The following SESN1 variants were observed in gnomAD, a reference collection of about 807,000 sequenced individuals.
SESN1 encodes the protein sestrin 1.
A neutral mutation model predicts 59.3 loss-of-function variants in SESN1; 30 were observed. That is an observed-to-expected ratio of 0.51 (90% CI 0.38 to 0.69). SESN1 has a LOEUF of 0.69. Ranked by LOEUF, SESN1 falls within the 30% of genes least tolerant of loss-of-function variation. The probability of loss-of-function intolerance (pLI) is 0.00; values close to 1 mark genes in which losing one functional copy is unlikely to be tolerated. For missense variants in SESN1, 566 were observed against 673.0 expected, an observed-to-expected ratio of 0.84 and a Z score of 1.76; for synonymous variants, 197 against 219.9, an observed-to-expected ratio of 0.90 and a Z score of 0.92.
At chr6:109,017,319 T>C (rs1779942604) in intron 1 of SESN1, among the ~76,000 whole-genome samples, 1 of 152,184 alleles carries the variant, frequency 6.6e-6, no homozygotes, top group Non-Finnish European at 1.5e-5. Flanking sequence ...AGAGTCTCAC[T>C]CTGTCGCCCA....
intron 1 of SESN1, among the ~76,000 whole-genome samples, chr6:109,021,547 C>T (rs368443442): frequency 2.5e-4 from 38 of 151,990 alleles, no homozygotes; most frequent in Non-Finnish European, 5.1e-4. Context: ...AAGCAATTCT[C>T]GTGCCTCAGC....
At chr6:109,000,763 G>T (rs1019835463) in intron 3 of SESN1, 90 bp from the exon 4 acceptor site, 45 of 1,077,516 alleles carry the variant, frequency 4.2e-5, no homozygotes, top group Non-Finnish European at 5.5e-5. Flanking sequence ...AGCTAATTAA[G>T]TTTATTAGTA....
intron 2 of SESN1, among the ~76,000 whole-genome samples, chr6:109,001,837 A>G (rs1427861093): frequency 1.3e-5 from 2 of 152,194 alleles, no homozygotes; most frequent in East Asian, 3.8e-4. Flanking sequence ...CTCTCACTCA[A>G]TTTAAGGAGA....
At chr6:109,071,746 C>T (rs1056013609) in intron 1 of SESN1, among the ~76,000 whole-genome samples, 1 of 152,182 alleles carries the variant, frequency 6.6e-6, no homozygotes. Flanking sequence ...GTGTCTTGTA[C>T]TCACTCAGCA....
intron 1 of SESN1, among the ~76,000 whole-genome samples, chr6:109,024,387 A>C (rs1780058404): frequency 6.6e-6 from 1 of 152,220 alleles, no homozygotes; most frequent in African/African-American, 2.4e-5. Context: ...AGCAGAAATA[A>C]GAACTTGGAT....
rs182767565 is a variant in SESN1, at chr6:109,069,700, C to T, written c.279+24095G>A. On this transcript the variant is annotated intron_variant, in intron 1 of 9. Coordinates refer to ENST00000436639, the MANE Select transcript of SESN1 (RefSeq NM_014454.3). ...AGGACCACAGCCGTGTACCACGACA[C>T]ATAGCTAATTTTTACTTTTTATTTT... Among the ~76,000 whole-genome samples the T allele has an allele frequency of 6.6e-5, 10 of 152,076 alleles. No homozygotes were observed. In the East Asian group the frequency reaches 1.4e-3, roughly 21 times the overall value.
chr6:109,094,223 G>T lies in SESN1; in HGVS notation c.-150C>A. The stretch of plus-strand genomic sequence containing the variant: ...CATCTGGGTGACATTTGGAACCACT[G>T]GTGCCTTCAGCCGATCTACAAGCTA... On this transcript the variant is annotated 5_prime_UTR_variant, in exon 1 of 10. Transcript: ENST00000436639. 1.2e-6 allele frequency: 1 copy of T among 804,888 alleles called. No homozygotes were observed. Among genetic ancestry groups the T allele is most frequent in the Non-Finnish European group, 1.9e-6 (1 of 519,114 alleles). 49.9% of individuals were successfully genotyped at this position (804,888 alleles called of 1,614,324 possible).
chr6:109,008,444 A>G (rs1159052119), intron 1 of SESN1, among the ~76,000 whole-genome samples: 2 of 149,892 alleles, frequency 1.3e-5, no homozygotes, highest in African/African-American at 4.9e-5. Context: ...TTAAAATCTC[A>G]AAAAAATATT....
chr6:109,019,651 A>C (rs1183877964), intron 1 of SESN1, among the ~76,000 whole-genome samples: 1 of 152,186 alleles, frequency 6.6e-6, no homozygotes, highest in Non-Finnish European at 1.5e-5. Context: ...CTAAATCATA[A>C]AAATTTGACC....
chr6:109,084,727 T>C (rs1274970625), intron 1 of SESN1, among the ~76,000 whole-genome samples: 1 of 152,200 alleles, frequency 6.6e-6, no homozygotes, highest in East Asian at 1.9e-4. Context: ...AAGCTAAAAG[T>C]ATCTAGTTTT....
chr6:109,000,799 A>G (rs1018856887), intron 3 of SESN1, 126 bp from the exon 4 acceptor site: 7 of 710,612 alleles, frequency 9.9e-6, no homozygotes, highest in Non-Finnish European at 1.4e-5. Context: ...CGTAAACTAC[A>G]GAAATGCAGT....
intron 1 of SESN1, among the ~76,000 whole-genome samples, chr6:109,044,792 G>C (rs1345689188): frequency 6.6e-6 from 1 of 152,150 alleles, no homozygotes; most frequent in Non-Finnish European, 1.5e-5. Flanking sequence ...GGGAGGTCGA[G>C]GAGGGCAGAT....
At chr6:109,057,119 A>G (rs986612756) in intron 1 of SESN1, among the ~76,000 whole-genome samples, 5 of 152,214 alleles carry the variant, frequency 3.3e-5, no homozygotes, top group Non-Finnish European at 5.9e-5. Context: ...AAGCCTTCAG[A>G]GGACTGCAGC....
At chr6:109,067,172 G>A (rs1321449048) in intron 1 of SESN1, among the ~76,000 whole-genome samples, 1 of 152,116 alleles carries the variant, frequency 6.6e-6, no homozygotes, top group Admixed American at 6.5e-5. Context: ...CAACAAAACA[G>A]CTTGAACCCC....
intron 7 of SESN1, among the ~76,000 whole-genome samples, chr6:108,991,336 G>A (rs1045356316): frequency 6.6e-6 from 1 of 152,066 alleles, no homozygotes; most frequent in African/African-American, 2.4e-5. Flanking sequence ...CCAACTGCTG[G>A]GCTCAAGCGA....
intron 1 of SESN1, among the ~76,000 whole-genome samples, chr6:109,004,818 G>T (rs1467460694): frequency 6.6e-6 from 1 of 152,136 alleles, no homozygotes; most frequent in Non-Finnish European, 1.5e-5. Flanking sequence ...CAAAACAACT[G>T]CAAGTTAACT....
chr6:108,989,526 T>A (rs1235159547), intron 8 of SESN1, among the ~76,000 whole-genome samples: 2 of 147,336 alleles, frequency 1.4e-5, no homozygotes, highest in African/African-American at 2.6e-5. Flanking sequence ...TAGAGAGATA[T>A]CTATAGAGAT....
intron 1 of SESN1, among the ~76,000 whole-genome samples, chr6:109,072,383 T>C (rs1418064545): frequency 6.6e-6 from 1 of 152,200 alleles, no homozygotes; most frequent in African/African-American, 2.4e-5. Flanking sequence ...AAGTATGTTG[T>C]TGAATATAAC....
intron 1 of SESN1, among the ~76,000 whole-genome samples, chr6:109,013,198 TA>T (rs1018749306): frequency 1.3e-5 from 2 of 152,216 alleles, no homozygotes; most frequent in African/African-American, 4.8e-5. Context: ...CTGAAAGTTG[TA>T]AACTGTAGAG....
Sources: allele counts gnomAD v4.1 joint callset (sites outside exome capture counted in the v4.1 genomes callset), GRCh38; gene constraint gnomAD v4.1.1; transcripts MANE v1.5; gene names NCBI Gene and HGNC (gene_info 2026-07-23, HGNC 2026-07-21).